Variants in TPST2 observed in about 807,000 individuals in gnomAD.
The protein encoded by TPST2 is tyrosylprotein sulfotransferase 2, also known as protein-tyrosine sulfotransferase 2.
A neutral mutation model predicts 27.8 loss-of-function variants in TPST2; 16 were observed. The ratio of observed to expected loss-of-function variants is 0.58; its 90% CI spans 0.39 to 0.88. The LOEUF is 0.88. Ranked by LOEUF, TPST2 falls within the 40% of genes least tolerant of loss-of-function variation. The pLI, the probability that TPST2 is intolerant of heterozygous loss-of-function variation, is 0.00. For missense variants in TPST2, 464 were observed against 543.1 expected (o/e 0.85, Z 1.45); for synonymous variants, 229 against 231.7 (o/e 0.99, Z 0.10).
intron 3 of TPST2, among the ~76,000 whole-genome samples, chr22:26,538,821 TCAACAACAAAA>T (rs1438453232): frequency 6.6e-6 from 1 of 152,212 alleles, no homozygotes; most frequent in Non-Finnish European, 1.5e-5. Flanking sequence ...AGACTCCGTC[TCAACAACAAAA>T]CAACAACAAA....
At chr22:26,554,047 CTAT>C (rs1926642395) in intron 1 of TPST2, among the ~76,000 whole-genome samples, 1 of 152,092 alleles carries the variant, frequency 6.6e-6, no homozygotes, top group Non-Finnish European at 1.5e-5. Context: ...AGGGTAGGCA[CTAT>C]TATTATTAGC....
intron 1 of TPST2, among the ~76,000 whole-genome samples, chr22:26,569,000 A>G (rs1021236017): frequency 1.3e-5 from 2 of 151,300 alleles, no homozygotes; most frequent in African/African-American, 4.9e-5. Context: ...AGTAGCTGGG[A>G]CTACAGGCGC....
At chr22:26,529,457 G>A (rs1269048771) in intron 5 of TPST2, among the ~76,000 whole-genome samples, 1 of 152,154 alleles carries the variant, frequency 6.6e-6, no homozygotes. Context: ...AGCCCCACCT[G>A]CCTTCTCCCC....
chr22:26,560,552 G>A, intron 1 of TPST2: 1 of 860,282 alleles, frequency 1.2e-6, no homozygotes, highest in Non-Finnish European at 2.0e-6. Context: ...CTAAGAAGCT[G>A]AGAGGCAAAA....
intron 5 of TPST2, among the ~76,000 whole-genome samples, chr22:26,529,334 T>C (rs2147171919): frequency 6.6e-6 from 1 of 152,278 alleles, no homozygotes; most frequent in East Asian, 1.9e-4. Context: ...TTCACCATGT[T>C]GGCCCGGCTG....
At chr22:26,577,371 G>A (rs954759831) in intron 1 of TPST2, among the ~76,000 whole-genome samples, 1 of 150,870 alleles carries the variant, frequency 6.6e-6, no homozygotes, top group Non-Finnish European at 1.5e-5. Flanking sequence ...TTGAGACAAG[G>A]TCTCGCTCTG....
intron 1 of TPST2, chr22:26,560,678 C>T (rs1927040133): frequency 8.7e-7 from 1 of 1,147,478 alleles, no homozygotes; most frequent in Non-Finnish European, 1.3e-6. Context: ...GGTGGAAGAC[C>T]ATGTCTGCTA....
intron 1 of TPST2, among the ~76,000 whole-genome samples, chr22:26,550,265 C>T (rs553266720): frequency 1.3e-5 from 2 of 152,246 alleles, no homozygotes; most frequent in African/African-American, 4.8e-5. Flanking sequence ...GACAAAGGTT[C>T]CTGCCTTCAT....
At chr22:26,553,494 T>A (rs1926604276) in intron 1 of TPST2, among the ~76,000 whole-genome samples, 1 of 151,364 alleles carries the variant, frequency 6.6e-6, no homozygotes, top group Non-Finnish European at 1.5e-5. Flanking sequence ...TGCCCCAGCC[T>A]GCCAAGTAGC....
At chr22:26,563,868 C>T (rs1479470788) in intron 1 of TPST2, among the ~76,000 whole-genome samples, 3 of 152,202 alleles carry the variant, frequency 2.0e-5, no homozygotes, top group Admixed American at 1.3e-4. Context: ...AGGTACTTAA[C>T]CGGCTTTTTA....
At chr22:26,535,834 T>C (rs1925425201) in intron 4 of TPST2, 1 of 321,250 alleles carries the variant, frequency 3.1e-6, no homozygotes, top group African/African-American at 2.2e-5. Context: ...AAGGAGAATT[T>C]TAAGCATAAT....
chr22:26,568,309 G>A (rs1927456780), intron 1 of TPST2, among the ~76,000 whole-genome samples: 1 of 152,158 alleles, frequency 6.6e-6, no homozygotes. Flanking sequence ...CATAACGCGT[G>A]GTTCTGTCAG....
chr22:26,569,738 T>A (rs1240968270), intron 1 of TPST2, among the ~76,000 whole-genome samples: 1 of 151,440 alleles, frequency 6.6e-6, no homozygotes, highest in East Asian at 1.9e-4. Context: ...TCACCTGAGG[T>A]CAGGAGTTCA....
At chr22:26,586,932 G>A (rs928277869) in intron 1 of TPST2, among the ~76,000 whole-genome samples, 5 of 152,218 alleles carry the variant, frequency 3.3e-5, no homozygotes, top group African/African-American at 1.2e-4. Context: ...GGAGGGGGAA[G>A]ATGTCTGTGT....
chr22:26,574,413 C>T (rs1438821197), intron 1 of TPST2, among the ~76,000 whole-genome samples: 1 of 152,176 alleles, frequency 6.6e-6, no homozygotes, highest in Admixed American at 6.5e-5. Context: ...AGTTCTAACT[C>T]AAGTGTGTCT....
rs200085943 is a variant in TPST2 at position 26,555,944 on chromosome 22, C to G, written c.-160-11269G>C. ...GCAGGTGCAGGGCAGCATGAGGACTCAAACCCAGGTCTAATGGGTTCTTCC... is the reference window on the plus strand; with the variant it reads ...GCAGGTGCAGGGCAGCATGAGGACTGAAACCCAGGTCTAATGGGTTCTTCC... On this transcript the variant is annotated intron_variant, in intron 1 of 6. Transcript: ENST00000338754. Among the ~76,000 whole-genome samples the G allele has an allele frequency of 1.9e-4, 29 of 152,338 alleles. 1 individual carries two copies. In the East Asian group the frequency reaches 5.0e-3, roughly 26 times the overall value.
chr22:26,575,429 G>A (rs1361633289), intron 1 of TPST2, among the ~76,000 whole-genome samples: 2 of 151,640 alleles, frequency 1.3e-5, no homozygotes, highest in Non-Finnish European at 2.9e-5. Flanking sequence ...CCTCCTACTT[G>A]CAAGACCACG....
At chr22:26,566,207 A>G (rs1011875699) in intron 1 of TPST2, among the ~76,000 whole-genome samples, 1 of 151,870 alleles carries the variant, frequency 6.6e-6, no homozygotes, top group Non-Finnish European at 1.5e-5. Context: ...ACCTGAGGTC[A>G]GGAGTTAGAG....
intron 1 of TPST2, among the ~76,000 whole-genome samples, chr22:26,580,435 A>C (rs1482875942): frequency 6.6e-6 from 1 of 152,112 alleles, no homozygotes; most frequent in East Asian, 1.9e-4. Context: ...GGGAATGTTG[A>C]GAGAGAGGTG....
Sources: gnomAD v4.1 joint callset for allele counts (sites outside exome capture counted in the v4.1 genomes callset) on GRCh38, gnomAD v4.1.1 for gene constraint, MANE v1.5 for transcripts, NCBI Gene and HGNC (gene_info 2026-07-23, HGNC 2026-07-21) for gene names.